Variants in SUFU observed in about 807,000 individuals in gnomAD.
SUFU encodes suppressor of fused homolog.
In SUFU, 7 loss-of-function variants were observed where a neutral mutation model predicts 58.9. The ratio of observed to expected loss-of-function variants is 0.12; its 90% CI spans 0.07 to 0.22. SUFU has a LOEUF of 0.22. SUFU is among the 10% of genes least tolerant of loss of function. The probability of loss-of-function intolerance (pLI) is 1.00; values close to 1 mark genes in which losing one functional copy is unlikely to be tolerated. For missense variants in SUFU, 451 were observed against 641.3 expected, an observed-to-expected ratio of 0.70 and a Z score of 3.20; for synonymous variants, 232 against 254.8, an observed-to-expected ratio of 0.91 and a Z score of 0.85.
rs955352170 is a variant in SUFU at position 102,629,945 on chromosome 10, C to T, written c.1366-121C>T. 2.6e-5 allele frequency: 24 copies of T among 915,942 alleles called. No homozygotes were observed. In the East Asian group the frequency reaches 3.8e-4, roughly 15 times the overall value. 56.7% of individuals were successfully genotyped at this position (915,942 alleles called of 1,614,324 possible). ...GGTCTAGCATTTGAGAATGAAGCCA[C>T]GCCTCCCGCGGCCTGTCCTATCCCT... is the stretch of plus-strand genomic sequence containing the variant. On this transcript the variant is annotated intron_variant, in intron 11 of 11. Coordinates refer to ENST00000369902, the MANE Select transcript of SUFU (RefSeq NM_016169.4). The surrounding 1 kb of genome is among the most constrained non-coding windows in gnomAD (Gnocchi z 4.7).
intron 9 of SUFU, among the ~76,000 whole-genome samples, chr10:102,615,918 A>G (rs1180347354): frequency 6.6e-6 from 1 of 151,952 alleles, no homozygotes; most frequent in Admixed American, 6.6e-5. Flanking sequence ...ATCCACAGGG[A>G]GAAGTATTCC....
chr10:102,537,432 A>G (rs986003695), intron 2 of SUFU, among the ~76,000 whole-genome samples: 1 of 152,170 alleles, frequency 6.6e-6, no homozygotes, highest in Admixed American at 6.6e-5. Flanking sequence ...CACCCAGCCC[A>G]AAATTTACCA....
At chr10:102,523,451 A>G (rs1367987420) in intron 2 of SUFU, among the ~76,000 whole-genome samples, 1 of 152,148 alleles carries the variant, frequency 6.6e-6, no homozygotes, top group Non-Finnish European at 1.5e-5. Flanking sequence ...GGCCCAGGCT[A>G]CCAGTCCCAG....
In SUFU at chr10:102,504,238, T is replaced by G. The variant is rs2062291773; in HGVS notation, c.86T>G (p.Leu29Arg). 6.2e-7 allele frequency: 1 copy of G among 1,605,002 alleles called. No homozygotes were observed. ...ACTGCCCCCCCGGCCTTCGCTTCGC[T>G]CTTTCCCCCGGGACTGCACGCCATC... ...GPTAPPAFASLFPPGLHAIYG... is the reference protein window; with the variant it reads ...GPTAPPAFASRFPPGLHAIYG... Residue 29 changes from leucine (L) to arginine (R), a missense_variant, in exon 1 of 12, where the codon CTC (leucine) becomes CGC (arginine). Leu to Arg is a moderately radical substitution (Grantham distance 102). Coordinates refer to ENST00000369902, the MANE Select transcript of SUFU (RefSeq NM_016169.4).
At chr10:102,534,829 G>A (rs1243683009) in intron 2 of SUFU, among the ~76,000 whole-genome samples, 1 of 152,172 alleles carries the variant, frequency 6.6e-6, no homozygotes, top group Non-Finnish European at 1.5e-5. Context: ...AGCAACAGGA[G>A]GTCTGCGGTT....
At chr10:102,571,299 T>C (rs2063157939) in intron 3 of SUFU, among the ~76,000 whole-genome samples, 1 of 152,230 alleles carries the variant, frequency 6.6e-6, no homozygotes, top group Non-Finnish European at 1.5e-5. Flanking sequence ...GAGAAGTTAG[T>C]GTTTCATTAA....
chr10:102,560,925 C>T (rs1234474011), intron 3 of SUFU, among the ~76,000 whole-genome samples: 1 of 152,146 alleles, frequency 6.6e-6, no homozygotes, highest in Non-Finnish European at 1.5e-5. Flanking sequence ...GCATCCTCCG[C>T]CTCCCAGGTT....
chr10:102,554,919 C>A (rs984855524), intron 3 of SUFU, among the ~76,000 whole-genome samples: 7 of 152,184 alleles, frequency 4.6e-5, no homozygotes, highest in African/African-American at 1.7e-4. Context: ...GTGCCTGGTA[C>A]GCAGTAAGTA....
intron 3 of SUFU, 101 bp downstream of exon 3, chr10:102,550,207 C>G (rs1590019209): frequency 6.5e-7 from 1 of 1,535,554 alleles, no homozygotes; most frequent in East Asian, 2.3e-5. Context: ...AGTGGCCTTT[C>G]CTGGGAGTAC....
rs1590094126 is a variant in SUFU, at chr10:102,629,297, C to T, written c.1366-769C>T. On this transcript the variant is annotated intron_variant, in intron 11 of 11. Transcript: ENST00000369902. This position sits in a 1 kb window ranked among gnomAD's most constrained non-coding sequence, Gnocchi z 4.7. ...GGGAATAAGAGGCATCAGCCTCTTCCCCTTCCCCTACCAGAAACTCCCAGG... is the reference window on the plus strand; with the variant it reads ...GGGAATAAGAGGCATCAGCCTCTTCTCCTTCCCCTACCAGAAACTCCCAGG... Among the ~76,000 whole-genome samples the T allele has an allele frequency of 6.6e-6, 1 of 152,350 alleles. No individual in the cohort carries two copies. The highest frequency in any genetic ancestry group is 1.9e-4 in the East Asian group (1 of 5,190).
intron 10 of SUFU, among the ~76,000 whole-genome samples, chr10:102,622,281 C>T (rs2063745977): frequency 6.6e-6 from 1 of 152,200 alleles, no homozygotes; most frequent in African/African-American, 2.4e-5. Context: ...CCAGCAGCCC[C>T]TCACCATGAT....
intron 2 of SUFU, among the ~76,000 whole-genome samples, chr10:102,538,358 T>C (rs959006918): frequency 7.9e-5 from 12 of 152,190 alleles, no homozygotes; most frequent in African/African-American, 2.9e-4. Flanking sequence ...GCTTTTTTTT[T>C]TCCAAATGTA....
At chr10:102,602,692 G>C (rs1242030010) in intron 8 of SUFU, among the ~76,000 whole-genome samples, 1 of 152,150 alleles carries the variant, frequency 6.6e-6, no homozygotes, top group African/African-American at 2.4e-5. Context: ...CCATTTTGAG[G>C]GTCTATTTCT....
chr10:102,557,282 T>C (rs919970223), intron 3 of SUFU, among the ~76,000 whole-genome samples: 1 of 150,292 alleles, frequency 6.7e-6, no homozygotes, highest in Admixed American at 6.6e-5. Context: ...TGAAACTACC[T>C]TAAACAATAA....
At chr10:102,525,676 G>A (rs2062601367) in intron 2 of SUFU, among the ~76,000 whole-genome samples, 1 of 151,780 alleles carries the variant, frequency 6.6e-6, no homozygotes, top group African/African-American at 2.4e-5. Flanking sequence ...CTAGTTTCTT[G>A]TATTTTTAGT....
At chr10:102,585,505 T>A (rs936582699) in intron 3 of SUFU, among the ~76,000 whole-genome samples, 14 of 152,126 alleles carry the variant, frequency 9.2e-5, no homozygotes, top group Admixed American at 9.2e-4. Flanking sequence ...GGTTTTCTGT[T>A]TTCTTTTCTT....
rs1244536498 is a variant in SUFU at position 102,619,284 on chromosome 10, AG to A, written c.1296+1857del. 2.8e-6 allele frequency: 4 copies of A among 1,445,548 alleles called. No individual in the cohort carries two copies. The African/African-American group carries it at 4.4e-5, about 16-fold the overall frequency. 89.5% of individuals were successfully genotyped at this position (1,445,548 alleles called of 1,614,324 possible). A position where few individuals can be genotyped will look rare whatever the true frequency, so the allele number is the denominator to read the frequency against. ...CCTAGCTGCCGGGGTTCCCACTCCCAGTGCCACAACCCCCTCACCTCCCTGG... is the reference window on the plus strand; with the variant it reads ...CCTAGCTGCCGGGGTTCCCACTCCCATGCCACAACCCCCTCACCTCCCTGG... On this transcript the variant is annotated intron_variant, in intron 10 of 11. Transcript: ENST00000369902. The surrounding 1 kb of genome is among the most constrained non-coding windows in gnomAD (Gnocchi z 4.2).
intron 2 of SUFU, among the ~76,000 whole-genome samples, chr10:102,543,459 T>C (rs534470489): frequency 6.6e-6 from 1 of 152,350 alleles, no homozygotes; most frequent in East Asian, 1.9e-4. Context: ...TTCACCCATT[T>C]AAAATGTACG....
chr10:102,631,131 C>G lies in SUFU; in HGVS notation c.*976C>G, dbSNP rs1319835535. On this transcript the variant is annotated 3_prime_UTR_variant, in exon 12 of 12. Coordinates refer to ENST00000369902, the MANE Select transcript of SUFU (RefSeq NM_016169.4). ...TCATTCAGGGCCTGGGTCTCCAGCT[C>G]TGTAACCAGTCCTGTCCCATTTCCT... 4.3e-6 allele frequency: 1 copy of G among 233,320 alleles called. No homozygotes were observed. The highest frequency in any genetic ancestry group is 8.5e-6 in the Non-Finnish European group (1 of 118,132). The allele number at this position is 233,320 out of a possible 1,614,324, so 14.5% of individuals were successfully genotyped here. A position where few individuals can be genotyped will look rare whatever the true frequency, so the allele number is the denominator to read the frequency against.
Sources: gnomAD v4.1 joint callset for allele counts (sites outside exome capture counted in the v4.1 genomes callset) on GRCh38, gnomAD v4.1.1 for gene constraint, Gnocchi (gnomAD v3.1) non-coding constraint, MANE v1.5 for transcripts, NCBI Gene and HGNC (gene_info 2026-07-23, HGNC 2026-07-21) for gene names.